Variants in PEMT observed in about 807,000 individuals in gnomAD.
PEMT encodes phosphatidylethanolamine N-methyltransferase.
In PEMT, 23 loss-of-function variants were observed where a neutral mutation model predicts 27.4. The observed-to-expected ratio is 0.84, with a 90% CI of 0.60 to 1.19. The LOEUF (loss-of-function observed/expected upper bound fraction) is 1.19. Ranked by LOEUF, PEMT falls within the 50% of genes most tolerant of loss-of-function variation. PEMT has a pLI of 0.00. For synonymous variants in PEMT, 137 were observed against 139.1 expected (o/e 0.98, Z 0.11); for missense variants, 307 against 310.1 (o/e 0.99, Z 0.07).
intron 2 of PEMT, among the ~76,000 whole-genome samples, chr17:17,569,341 G>A (rs186017502): frequency 1.2e-4 from 19 of 152,294 alleles, no homozygotes; most frequent in East Asian, 5.8e-4. Flanking sequence ...CCAATGGAGC[G>A]AGAGGTCTTG....
Position 17,535,084 on chromosome 17 carries a change from T to C in PEMT, c.205-12689A>G, listed in dbSNP as rs146335268. Among the ~76,000 whole-genome samples the C allele has an allele frequency of 2.0e-3, 305 of 152,018 alleles. No individual in the cohort carries two copies. In the Middle Eastern group the frequency reaches 0.024, roughly 12 times the overall value. ...CGCCCCTATGCCTGGTTAATTTTTGTATTTTTAGTAGAGAGGGGTTTCACC... is the reference window on the plus strand; with the variant it reads ...CGCCCCTATGCCTGGTTAATTTTTGCATTTTTAGTAGAGAGGGGTTTCACC... On this transcript the variant is annotated intron_variant, in intron 2 of 6. Transcript: ENST00000255389.
intron 1 of PEMT, 83 bp downstream of exon 1, chr17:17,591,448 T>C: frequency 4.6e-6 from 4 of 875,900 alleles, no homozygotes; most frequent in South Asian, 3.2e-5. Context: ...CCCCGCAGCG[T>C]TTGAGGCGCC....
intron 3 of PEMT, among the ~76,000 whole-genome samples, chr17:17,519,408 G>A (rs780941992): frequency 4.6e-5 from 7 of 152,252 alleles, no homozygotes; most frequent in Non-Finnish European, 1.0e-4. Flanking sequence ...GATGCCAGGT[G>A]AGGCCAACGC....
In PEMT at chr17:17,507,280, G is replaced by A. The variant is rs533004629; in HGVS notation, c.579-979C>T. 3.1e-4 allele frequency: 359 copies of A among 1,167,024 alleles called. 3 individuals are homozygous for A. The South Asian group carries it at 3.2e-3, about 10-fold the overall frequency. The allele number at this position is 1,167,024 out of a possible 1,614,324, so 72.3% of individuals were successfully genotyped here. A position where few individuals can be genotyped will look rare whatever the true frequency, so the allele number is the denominator to read the frequency against. On this transcript the variant is annotated intron_variant, in intron 5 of 6. Coordinates refer to ENST00000255389, the MANE Select transcript of PEMT (RefSeq NM_148172.3). ...GAGCTGTCTGGCGGGCACAGAGGGC[G>A]CATGGGCAGGCCTGGGCCAGGGGCT...
intron 3 of PEMT, among the ~76,000 whole-genome samples, chr17:17,520,015 G>A (rs1421072262): frequency 1.3e-5 from 2 of 152,220 alleles, no homozygotes; most frequent in Admixed American, 1.3e-4. Flanking sequence ...GGGAGCAGGA[G>A]TGGTGGAACA....
chr17:17,506,657 G>GTGC (rs1905881468), intron 5 of PEMT, among the ~76,000 whole-genome samples: 1 of 152,190 alleles, frequency 6.6e-6, no homozygotes, highest in Non-Finnish European at 1.5e-5. Context: ...GTTCATTCCC[G>GTGC]CACAGGAGGA....
intron 2 of PEMT, among the ~76,000 whole-genome samples, chr17:17,547,984 G>C (rs959699990): frequency 1.3e-5 from 2 of 152,216 alleles, no homozygotes; most frequent in Non-Finnish European, 2.9e-5. Flanking sequence ...CATCAAATCA[G>C]AGCCAGTGCG....
At chr17:17,570,694 C>T (rs534540833) in intron 2 of PEMT, 64 of 985,332 alleles carry the variant, frequency 6.5e-5, no homozygotes, top group African/African-American at 2.1e-4. Flanking sequence ...AAGGGCCTCC[C>T]GGGACAGGGG....
At chr17:17,519,075 T>C (rs543917117) in intron 3 of PEMT, 2 of 151,624 alleles carry the variant, frequency 1.3e-5, no homozygotes, top group South Asian at 4.2e-4. Flanking sequence ...GGTGTGGGGG[T>C]GTGGGGTATG....
At chr17:17,511,631 T>C (rs1232621426) in intron 4 of PEMT, among the ~76,000 whole-genome samples, 1 of 152,234 alleles carries the variant, frequency 6.6e-6, no homozygotes, top group Non-Finnish European at 1.5e-5. Flanking sequence ...GCTCCTGCAC[T>C]GGCCAGGGCT....
chr17:17,555,320 C>T (rs1384935728), intron 2 of PEMT, among the ~76,000 whole-genome samples: 1 of 152,196 alleles, frequency 6.6e-6, no homozygotes, highest in African/African-American at 2.4e-5. Flanking sequence ...CTTTCTGCTA[C>T]GGCCAGAGCA....
intron 3 of PEMT, among the ~76,000 whole-genome samples, chr17:17,517,272 A>G (rs1012344052): frequency 6.6e-6 from 1 of 152,168 alleles, no homozygotes; most frequent in Non-Finnish European, 1.5e-5. Flanking sequence ...TTTAAGCCCT[A>G]AGTGTGTGGG....
chr17:17,590,516 C>T (rs1255740851), intron 1 of PEMT, among the ~76,000 whole-genome samples: 1 of 152,200 alleles, frequency 6.6e-6, no homozygotes, highest in Non-Finnish European at 1.5e-5. Flanking sequence ...TCAGAGAACT[C>T]TCTGGCTTTC....
chr17:17,530,370 C>G (rs2142563955), intron 2 of PEMT, among the ~76,000 whole-genome samples: 1 of 152,294 alleles, frequency 6.6e-6, no homozygotes, highest in East Asian at 1.9e-4. Context: ...TGGCGGGTGC[C>G]TTTAATCCCA....
intron 1 of PEMT, among the ~76,000 whole-genome samples, chr17:17,586,268 G>GAAAGAAAT (rs1912285959): frequency 1.8e-5 from 2 of 109,734 alleles, no homozygotes; most frequent in Non-Finnish European, 1.8e-5. Context: ...AAGAAAGAAA[G>GAAAGAAAT]AAAGAAAGAA....
intron 2 of PEMT, among the ~76,000 whole-genome samples, chr17:17,576,391 A>G (rs549238843): frequency 1.3e-5 from 2 of 152,202 alleles, no homozygotes; most frequent in South Asian, 4.2e-4. Flanking sequence ...CTTTCAACTC[A>G]TGCCGGCTTG....
rs1435845150 is a variant in PEMT at position 17,582,654 on chromosome 17, A to G, written c.97-5627T>C. The stretch of plus-strand genomic sequence containing the variant: ...CCCCACTGCCCCCAGAGCTGCCCTC[A>G]TGCCCTGGCACCATAAGCTGACTCG... On this transcript the variant is annotated intron_variant, in intron 1 of 6. Coordinates refer to ENST00000255389, the MANE Select transcript of PEMT (RefSeq NM_148172.3). The surrounding 1 kb of genome is among the most constrained non-coding windows in gnomAD (Gnocchi z 4.9). Among the ~76,000 whole-genome samples, 1 of 152,230 alleles carries G rather than the reference A, an allele frequency of 6.6e-6. No homozygotes were observed. Among genetic ancestry groups the G allele is most frequent in the Non-Finnish European group, 1.5e-5 (1 of 68,046 alleles).
chr17:17,586,298 A>AAAG (rs1912311796), intron 1 of PEMT, among the ~76,000 whole-genome samples: 3 of 147,796 alleles, frequency 2.0e-5, no homozygotes, highest in African/African-American at 7.6e-5. Flanking sequence ...GAAAAAAAAA[A>AAAG]ACGCAGGTGG....
At chr17:17,575,046 T>C (rs1911486022) in intron 2 of PEMT, among the ~76,000 whole-genome samples, 1 of 152,186 alleles carries the variant, frequency 6.6e-6, no homozygotes, top group African/African-American at 2.4e-5. Flanking sequence ...ACTGCCAACT[T>C]AGGGGCTGAA....
Sources: allele counts gnomAD v4.1 joint callset (sites outside exome capture counted in the v4.1 genomes callset), GRCh38; gene constraint gnomAD v4.1.1; non-coding constraint Gnocchi (gnomAD v3.1); transcripts MANE v1.5; gene names NCBI Gene and HGNC (gene_info 2026-07-23, HGNC 2026-07-21).